Variants in PDE4D observed in about 807,000 individuals in gnomAD.
PDE4D encodes the protein 3',5'-cyclic-AMP phosphodiesterase 4D.
Under a neutral mutation model 87.4 loss-of-function variants are expected in PDE4D, and 24 were observed. The observed-to-expected ratio is 0.27, with a 90% CI of 0.20 to 0.39. The LOEUF is 0.39. Ranked by LOEUF, PDE4D falls within the 10% of genes least tolerant of loss-of-function variation. The pLI, the probability that PDE4D is intolerant of heterozygous loss-of-function variation, is 1.00. For synonymous variants in PDE4D, 384 were observed against 383.2 expected (o/e 1.00, Z -0.02); for missense variants, 714 against 1,041.0 (o/e 0.69, Z 4.32).
intron 5 of PDE4D, among the ~76,000 whole-genome samples, chr5:59,136,646 A>T (rs1349099513): frequency 6.6e-6 from 1 of 152,184 alleles, no homozygotes; most frequent in African/African-American, 2.4e-5. Flanking sequence ...GCAGAATAGT[A>T]TTTGTAATAC....
chr5:59,852,882 C>A (rs1744892553), intron 1 of PDE4D, among the ~76,000 whole-genome samples: 1 of 151,642 alleles, frequency 6.6e-6, no homozygotes, highest in African/African-American at 2.4e-5. Context: ...TAAGCACAGG[C>A]TAAATCTGTG....
intron 5 of PDE4D, among the ~76,000 whole-genome samples, chr5:59,152,448 A>C: frequency 6.6e-6 from 1 of 152,176 alleles, no homozygotes; most frequent in East Asian, 1.9e-4. Context: ...AGCTGGAAAA[A>C]CATGTTGAGT....
chr5:60,337,406 CAT>C (rs1191503593), intron 1 of PDE4D, among the ~76,000 whole-genome samples: 21 of 138,184 alleles, frequency 1.5e-4, no homozygotes, highest in Admixed American at 1.0e-3. Flanking sequence ...CACACACACA[CAT>C]ATATCAATTC....
intron 1 of PDE4D, among the ~76,000 whole-genome samples, chr5:59,230,415 A>G (rs561587772): frequency 1.3e-5 from 2 of 152,310 alleles, no homozygotes; most frequent in African/African-American, 4.8e-5. Flanking sequence ...GGTTTTAAAA[A>G]TGTGATCCTC....
intron 1 of PDE4D, among the ~76,000 whole-genome samples, chr5:59,725,825 GT>G (rs142359312): frequency 6.6e-6 from 1 of 151,596 alleles, no homozygotes; most frequent in African/African-American, 2.4e-5. Flanking sequence ...AAAGTTAGTT[GT>G]TTTTTTTCAT....
chr5:60,183,848 A>G (rs1032371526), intron 2 of PDE4D, among the ~76,000 whole-genome samples: 9 of 152,230 alleles, frequency 5.9e-5, no homozygotes, highest in African/African-American at 2.2e-4. Context: ...TTATAGCCCT[A>G]AAGTGACAAC....
chr5:60,248,292 T>C (rs966809126), intron 1 of PDE4D, among the ~76,000 whole-genome samples: 3 of 151,942 alleles, frequency 2.0e-5, no homozygotes, highest in African/African-American at 7.3e-5. Context: ...GGATGGCATA[T>C]AAAAGAGCAG....
In PDE4D at chr5:59,810,692, C is replaced by T. The variant is rs566767060; in HGVS notation, c.455+82476G>A. 2.4e-4 allele frequency among the ~76,000 whole-genome samples: 36 copies of T among 152,312 alleles called. No individual in the cohort carries two copies. The South Asian group carries it at 3.1e-3, about 13-fold the overall frequency. On this transcript the variant is annotated intron_variant, in intron 1 of 14. Transcript: ENST00000340635. Reference sequence around the variant, plus strand: ...CACTGCAGTCTCAGACCACCTGAAACGCAGAAGCCCCGCCTATTTTGCTAG... The same window carrying T: ...CACTGCAGTCTCAGACCACCTGAAATGCAGAAGCCCCGCCTATTTTGCTAG...
At chr5:60,497,024 G>C (rs1749844324) in intron 1 of PDE4D, among the ~76,000 whole-genome samples, 1 of 152,156 alleles carries the variant, frequency 6.6e-6, no homozygotes, top group Non-Finnish European at 1.5e-5. Context: ...AAACATTAAA[G>C]TTATTTCTCA....
intron 2 of PDE4D, among the ~76,000 whole-genome samples, chr5:60,099,451 A>G (rs753999516): frequency 2.0e-5 from 3 of 151,954 alleles, no homozygotes; most frequent in South Asian, 4.1e-4. Flanking sequence ...AAAATTCACC[A>G]TAAGTTAAGG....
intron 1 of PDE4D, among the ~76,000 whole-genome samples, chr5:59,496,318 TA>T (rs1807179996): frequency 6.6e-6 from 1 of 152,090 alleles, no homozygotes; most frequent in Admixed American, 6.5e-5. Flanking sequence ...TTGGGGTTTT[TA>T]TAGGCACAGG....
At chr5:59,865,908 TAA>T (rs111860421) in intron 1 of PDE4D, among the ~76,000 whole-genome samples, 264 of 152,358 alleles carry the variant, frequency 1.7e-3, no homozygotes, top group African/African-American at 5.9e-3. Flanking sequence ...CAATCCAACC[TAA>T]GTCATTCTGA....
chr5:59,035,709 G>A (rs1156363421), intron 6 of PDE4D, among the ~76,000 whole-genome samples: 1 of 152,140 alleles, frequency 6.6e-6, no homozygotes, highest in Non-Finnish European at 1.5e-5. Context: ...TTTCTCTAAT[G>A]TAACTCCATT....
rs256356 is a variant in PDE4D at position 59,858,150 on chromosome 5, A to T, written c.455+35018T>A. Among the ~76,000 whole-genome samples the T allele has an allele frequency of 2.6e-5, 4 of 152,014 alleles. No individual in the cohort carries two copies. The South Asian group carries it at 8.3e-4, about 32-fold the overall frequency. On this transcript the variant is annotated intron_variant, in intron 1 of 14. Coordinates refer to ENST00000340635, the MANE Select transcript of PDE4D (RefSeq NM_001104631.2). ...TGAGTTTTACTTTGGCTCATGATAT[A>T]AAATTGGTGCATTTCATAGGTATGT...
chr5:59,666,402 T>A (rs1746082351), intron 1 of PDE4D, among the ~76,000 whole-genome samples: 1 of 152,192 alleles, frequency 6.6e-6, no homozygotes. Flanking sequence ...CTAAAAATAA[T>A]AGTAACAACC....
intron 1 of PDE4D, among the ~76,000 whole-genome samples, chr5:60,464,549 G>A (rs1025681006): frequency 6.6e-6 from 1 of 152,118 alleles, no homozygotes; most frequent in Non-Finnish European, 1.5e-5. Context: ...TACTCAGCTT[G>A]GTAAGGCATT....
intron 1 of PDE4D, among the ~76,000 whole-genome samples, chr5:60,226,890 C>G (rs1237166209): frequency 6.6e-6 from 1 of 151,832 alleles, no homozygotes; most frequent in Non-Finnish European, 1.5e-5. Context: ...TGGTATTAAA[C>G]TAACTTCACC....
chr5:59,665,231 C>A (rs969681724), intron 1 of PDE4D, among the ~76,000 whole-genome samples: 1 of 152,152 alleles, frequency 6.6e-6, no homozygotes, highest in Non-Finnish European at 1.5e-5. Context: ...TAAAAGCAAC[C>A]ATGACCTTGT....
rs1744333271 is a variant in PDE4D at position 58,978,465 on chromosome 5, C to CT, written c.1553-1121dup. Among the ~76,000 whole-genome samples, 6 of 151,438 alleles carry CT rather than the reference C, an allele frequency of 4.0e-5. No homozygotes were observed. In the South Asian group the frequency reaches 8.7e-4, roughly 22 times the overall value. On this transcript the variant is annotated intron_variant, in intron 11 of 14. Transcript: ENST00000340635. Reference sequence around the variant, plus strand: ...AAGGTTAAAAGCACAGGTATTTGATCTTTTTTCTAACGAATGCATAGAAAA... The same window carrying CT: ...AAGGTTAAAAGCACAGGTATTTGATCTTTTTTTCTAACGAATGCATAGAAAA...
Sources: allele counts gnomAD v4.1 joint callset (sites outside exome capture counted in the v4.1 genomes callset), GRCh38; gene constraint gnomAD v4.1.1; transcripts MANE v1.5; gene names NCBI Gene and HGNC (gene_info 2026-07-23, HGNC 2026-07-21).